Variants in LAMB4 observed in about 807,000 individuals in gnomAD.
LAMB4 encodes laminin subunit beta-4.
A neutral mutation model predicts 199.2 loss-of-function variants in LAMB4; 196 were observed. That is an observed-to-expected ratio of 0.98 (90% CI 0.88 to 1.11). LAMB4 has a LOEUF of 1.11. LAMB4 is among the 50% of genes least tolerant of loss of function. The pLI, the probability that LAMB4 is intolerant of heterozygous loss-of-function variation, is 0.00. For synonymous variants in LAMB4, 744 were observed against 770.6 expected (o/e 0.97, Z 0.57); for missense variants, 2,080 against 2,171.2 (o/e 0.96, Z 0.83).
At chr7:108,023,150 A>T (rs192370608), downstream of LAMB4, among the ~76,000 whole-genome samples, 11 of 152,318 alleles carry the variant, frequency 7.2e-5, no homozygotes, top group South Asian at 2.1e-4. Context: ...CTTAATGGAA[A>T]TGCTCCAGCA....
In LAMB4 at chr7:108,043,681, G is replaced by A. The variant is rs1470394692; in HGVS notation, c.4471+71C>T. Reference sequence around the variant, plus strand: ...TGCAAGCTCCGCCTCCTGGGTTCACGTATGATGTTTGACTATACATTAAAA... The same window carrying A: ...TGCAAGCTCCGCCTCCTGGGTTCACATATGATGTTTGACTATACATTAAAA... On this transcript the variant is annotated intron_variant, in intron 29 of 33. Transcript: ENST00000388781. 2.3e-5 allele frequency: 14 copies of A among 612,656 alleles called. 1 individual carries two copies. The highest frequency in any genetic ancestry group is 4.2e-4 in the African/African-American group (2 of 4,786). The allele number at this position is 612,656 out of a possible 1,614,324, so 38.0% of individuals were successfully genotyped here.
intron 29 of LAMB4, among the ~76,000 whole-genome samples, chr7:108,040,792 A>G (rs2035396572): frequency 6.6e-6 from 1 of 152,216 alleles, no homozygotes; most frequent in Non-Finnish European, 1.5e-5. Flanking sequence ...TGTAAAACCC[A>G]AAAGTATAAA....
intron 11 of LAMB4, 65 bp downstream of exon 11, chr7:108,098,338 C>G: frequency 6.8e-6 from 4 of 587,320 alleles, no homozygotes; most frequent in Non-Finnish European, 9.9e-6. Flanking sequence ...ATCTCAAAAA[C>G]AGACAAACCA....
intron 24 of LAMB4, among the ~76,000 whole-genome samples, chr7:108,057,161 A>G (rs1413456226): frequency 6.6e-6 from 1 of 152,112 alleles, no homozygotes; most frequent in Non-Finnish European, 1.5e-5. Flanking sequence ...GCTCTTCCCC[A>G]GGAGATTTAG....
At chr7:108,110,097 T>C (rs1276568692) in intron 4 of LAMB4, among the ~76,000 whole-genome samples, 1 of 152,222 alleles carries the variant, frequency 6.6e-6, no homozygotes, top group Admixed American at 6.5e-5. Flanking sequence ...TGGCAGGATC[T>C]TGGCTCACTG....
chr7:108,073,124 C>G (rs1327810399), intron 17 of LAMB4, among the ~76,000 whole-genome samples: 4 of 152,224 alleles, frequency 2.6e-5, no homozygotes, highest in Non-Finnish European at 4.4e-5. Context: ...CCTGCCTCAG[C>G]CTCCCCAAGT....
chr7:108,059,374 G>A (rs1403777584), intron 23 of LAMB4, among the ~76,000 whole-genome samples: 1 of 151,980 alleles, frequency 6.6e-6, no homozygotes, highest in Non-Finnish European at 1.5e-5. Context: ...GTTTGCAATT[G>A]CCTCTTTCCC....
intron 20 of LAMB4, among the ~76,000 whole-genome samples, chr7:108,066,165 G>C (rs2036333343): frequency 6.6e-6 from 1 of 152,122 alleles, no homozygotes; most frequent in South Asian, 2.1e-4. Context: ...AACATGCCAG[G>C]CAAATGTGTG....
chr7:108,012,562 A>G, the LAMB4 span, among the ~76,000 whole-genome samples: 1 of 152,244 alleles, frequency 6.6e-6, no homozygotes, highest in Non-Finnish European at 1.5e-5. Context: ...GTAAAGGTCT[A>G]TAGAATTAAA....
chr7:108,022,583 AT>A (rs946387365), downstream of LAMB4, among the ~76,000 whole-genome samples: 8 of 151,614 alleles, frequency 5.3e-5, no homozygotes, highest in Non-Finnish European at 8.8e-5. Flanking sequence ...ACATATATAG[AT>A]TTTTTTTTAG....
At position 108,105,936 on chromosome 7, in the gene LAMB4, TA is replaced by T; in HGVS notation, c.750del (p.Asp250GlufsTer10). 6.2e-7 allele frequency: 1 copy of T among 1,614,242 alleles called. No individual in the cohort carries two copies. Among genetic ancestry groups the T allele is most frequent in the South Asian group, 1.1e-5 (1 of 91,088 alleles). ...LLGRRQNDSL[D>X]KYYYALYEMI... The stretch of plus-strand genomic sequence containing the variant: ...ATCTCGTACAGAGCATAGTAGTATT[TA>T]TCAAGGGAATCATTTTGCCTCCTTC... On this transcript the variant is annotated frameshift_variant, in exon 8 of 34. Coordinates refer to ENST00000388781, the MANE Select transcript of LAMB4 (RefSeq NM_007356.3). LOFTEE classifies it high-confidence loss of function.
In LAMB4 at chr7:108,104,255, G is replaced by A. The variant is rs542941162; in HGVS notation, c.991+244C>T. 2.6e-5 allele frequency among the ~76,000 whole-genome samples: 4 copies of A among 152,004 alleles called. No homozygotes were observed. The East Asian group carries it at 7.7e-4, about 29-fold the overall frequency. On this transcript the variant is annotated intron_variant, in intron 9 of 33. Transcript: ENST00000388781. Reference sequence around the variant, plus strand: ...ATGGCTCCATCCCTCTACTAGAAGGGTGCCACACAACATGCTTACTGTTTC... The same window carrying A: ...ATGGCTCCATCCCTCTACTAGAAGGATGCCACACAACATGCTTACTGTTTC...
At position 108,098,489 on chromosome 7, in the gene LAMB4, C is replaced by A; in HGVS notation, c.1274G>T (p.Cys425Phe). 1.2e-6 allele frequency: 2 copies of A among 1,612,188 alleles called. No homozygotes were observed. Among genetic ancestry groups the A allele is most frequent in the Non-Finnish European group, 1.7e-6 (2 of 1,179,400 alleles). ...TTTGGCTCCTTCCACGTTCTCTTTA[C>A]AAAGGCACTGGCCGGCCACAGACCC... ...ALGSVAGQCL[C>F]KENVEGAKCD... Residue 425 changes from cysteine to phenylalanine, a missense_variant, in exon 11 of 34, where the codon TGT becomes TTT. Coordinates refer to ENST00000388781, the MANE Select transcript of LAMB4 (RefSeq NM_007356.3).
Position 108,125,302 on chromosome 7 carries a change from G to A in LAMB4, c.-33-2105C>T, listed in dbSNP as rs184486200. Among the ~76,000 whole-genome samples the A allele has an allele frequency of 2.2e-4, 34 of 152,248 alleles. No individual in the cohort carries two copies. The East Asian group carries it at 4.6e-3, about 21-fold the overall frequency. ...TCAGGAGCTTGGCTTCTGTTCAGCC[G>A]CCCAGATATACTTCTGATAAATGAA... is the stretch of plus-strand genomic sequence containing the variant. On this transcript the variant is annotated intron_variant, in intron 1 of 33. Coordinates refer to ENST00000388781, the MANE Select transcript of LAMB4 (RefSeq NM_007356.3).
chr7:108,125,285 T>C (rs1461534143), intron 1 of LAMB4, among the ~76,000 whole-genome samples: 1 of 152,230 alleles, frequency 6.6e-6, no homozygotes, highest in Non-Finnish European at 1.5e-5. Flanking sequence ...AGTCAGGAGC[T>C]TGGCTTCTGT....
At chr7:108,068,239 C>T (rs2036412447) in intron 18 of LAMB4, 80 bp from the exon 19 acceptor site, 1 of 1,444,548 alleles carries the variant, frequency 6.9e-7, no homozygotes, top group Non-Finnish European at 9.5e-7. Flanking sequence ...CTATAGTTCA[C>T]CTCTCTCTCA....
In LAMB4 at chr7:108,116,143, T is replaced by C; in HGVS notation, c.53A>G (p.Lys18Arg). 6.2e-7 allele frequency: 1 copy of C among 1,613,874 alleles called. No individual in the cohort carries two copies. Among genetic ancestry groups the C allele is most frequent in the South Asian group, 1.1e-5 (1 of 91,052 alleles). ...ACCCCTGTTGCAGTCATCTTGAGCT[T>C]TTGAGTAACTGAGCCACCCTTGAAC... ...FLHLGWLSYS[K>R]AQDDCNRGAC... Residue 18 changes from lysine (K) to arginine (R), a missense_variant, in exon 3 of 34, where the codon AAA (lysine) becomes AGA (arginine). Physicochemically the swap from Lys to Arg is conservative, Grantham distance 26. Transcript: ENST00000388781.
At chr7:108,109,288 A>ACTT (rs2038136174) in intron 4 of LAMB4, 44 bp from the exon 5 acceptor site, 1 of 1,366,574 alleles carries the variant, frequency 7.3e-7, no homozygotes, top group East Asian at 2.3e-5. Context: ...ATTTTGAGAG[A>ACTT]CTTCTGCTTA....
At chr7:108,114,298 A>T (rs1420712164) in intron 3 of LAMB4, among the ~76,000 whole-genome samples, 1 of 151,820 alleles carries the variant, frequency 6.6e-6, no homozygotes, top group African/African-American at 2.4e-5. Flanking sequence ...GTGCTTGCCT[A>T]CTCCACCAGT....
Sources: allele counts gnomAD v4.1 joint callset (sites outside exome capture counted in the v4.1 genomes callset), GRCh38; gene constraint gnomAD v4.1.1; transcripts MANE v1.5; gene names NCBI Gene and HGNC (gene_info 2026-07-23, HGNC 2026-07-21).